Variants in AGO4 observed in about 807,000 individuals in gnomAD.
The protein encoded by AGO4 is argonaute RISC component 4, also known as protein argonaute-4.
A neutral mutation model predicts 104.7 loss-of-function variants in AGO4; 33 were observed. That is an observed-to-expected ratio of 0.32 (90% CI 0.24 to 0.42). The LOEUF is 0.42. Ranked by LOEUF, AGO4 falls within the 10% of genes least tolerant of loss-of-function variation. The pLI, the probability that AGO4 is intolerant of heterozygous loss-of-function variation, is 1.00. For missense variants in AGO4, 711 were observed against 1,083.4 expected (o/e 0.66, Z 4.83); for synonymous variants, 331 against 364.7 (o/e 0.91, Z 1.05).
At position 35,832,606 on chromosome 1, in the gene AGO4, C is replaced by T. The variant is rs569225777; in HGVS notation, c.1379+36C>T. 4 of 1,604,732 alleles carry T rather than the reference C, an allele frequency of 2.5e-6. No individual in the cohort carries two copies. The South Asian group carries it at 4.4e-5, about 18-fold the overall frequency. On this transcript the variant is annotated intron_variant, in intron 11 of 17. Transcript: ENST00000373210. Reference sequence around the variant, plus strand: ...TCATATTTTCAGCTTAGTAATATCCCTTCCAGATATGAAAATACTGTCTTT... The same window carrying T: ...TCATATTTTCAGCTTAGTAATATCCTTTCCAGATATGAAAATACTGTCTTT...
At chr1:35,825,258 T>C in intron 3 of AGO4, 55 bp from the exon 4 acceptor site, 1 of 1,571,310 alleles carries the variant, frequency 6.4e-7, no homozygotes, top group Non-Finnish European at 8.7e-7. Flanking sequence ...TCTTGGGATC[T>C]TTCCCACAGC....
chr1:35,826,086 T>C lies in AGO4; in HGVS notation c.760+26T>C, dbSNP rs189308037. 971 of 1,612,118 alleles carry C rather than the reference T, an allele frequency of 6.0e-4. 3 individuals are homozygous for C. The Middle Eastern group carries it at 0.019, about 32-fold the overall frequency. On this transcript the variant is annotated intron_variant, in intron 6 of 17. Transcript: ENST00000373210. ...GTAAGTGTTTGCATTAATGTAGTCT[T>C]GGAGAAGCAGCTCAGCATGCTGCAC... is the stretch of plus-strand genomic sequence containing the variant.
At chr1:35,828,471 G>A (rs1644089809) in intron 7 of AGO4, among the ~76,000 whole-genome samples, 1 of 152,004 alleles carries the variant, frequency 6.6e-6, no homozygotes, top group Non-Finnish European at 1.5e-5. Context: ...GCATCCTCCA[G>A]CAGCATACTC....
chr1:35,852,433 C>T (rs12744152), intron 17 of AGO4, among the ~76,000 whole-genome samples: 1 of 152,074 alleles, frequency 6.6e-6, no homozygotes, highest in African/African-American at 2.4e-5. Context: ...GTTGTTACTC[C>T]GAAAGACCAA....
intron 15 of AGO4, among the ~76,000 whole-genome samples, chr1:35,843,216 C>T (rs1230112812): frequency 6.6e-6 from 1 of 152,244 alleles, no homozygotes; most frequent in African/African-American, 2.4e-5. Flanking sequence ...TAGGCGCCCA[C>T]CACCATGCCC....
chr1:35,830,239 T>G (rs1644148438), intron 7 of AGO4, among the ~76,000 whole-genome samples: 1 of 152,136 alleles, frequency 6.6e-6, no homozygotes, highest in African/African-American at 2.4e-5. Flanking sequence ...GTATCTTAAT[T>G]ATGCCAAATA....
At chr1:35,850,814 G>GAAAAAAAAAAAAAAAATT in intron 16 of AGO4, 40 bp from the exon 17 acceptor site, 1 of 1,097,752 alleles carries the variant, frequency 9.1e-7, no homozygotes, top group Non-Finnish European at 1.2e-6. Context: ...AACAAAAAAC[G>GAAAAAAAAAAAAAAAATT]AACAAAAAAA....
At chr1:35,840,158 A>AT (rs1338018347) in intron 13 of AGO4, among the ~76,000 whole-genome samples, 50 of 124,990 alleles carry the variant, frequency 4.0e-4, no homozygotes, top group South Asian at 5.1e-4. Context: ...TGCCCGTCTA[A>AT]TTTTTTTTTT....
rs1643373554 is a variant in AGO4, at chr1:35,808,468, G to A, written c.19+33G>A. On this transcript the variant is annotated intron_variant, in intron 1 of 17. Transcript: ENST00000373210. The surrounding 1 kb of genome is among the most constrained non-coding windows in gnomAD (Gnocchi z 5.2). ...GCGAGCTCGGGTCGGGGCGGGACCCGGGACCCGGGACCCGGGGCGGGCGGC... is the reference window on the plus strand; with the variant it reads ...GCGAGCTCGGGTCGGGGCGGGACCCAGGACCCGGGACCCGGGGCGGGCGGC... 1 of 1,176,526 alleles carries A rather than the reference G, an allele frequency of 8.5e-7. No individual in the cohort carries two copies. Among genetic ancestry groups the A allele is most frequent in the Non-Finnish European group, 1.1e-6 (1 of 952,072 alleles). 72.9% of individuals were successfully genotyped at this position (1,176,526 alleles called of 1,614,324 possible).
intron 17 of AGO4, among the ~76,000 whole-genome samples, chr1:35,852,087 A>G (rs1333318683): frequency 6.6e-6 from 1 of 152,234 alleles, no homozygotes; most frequent in Non-Finnish European, 1.5e-5. Context: ...CACAAAGGGG[A>G]AAAAGCAAGT....
rs1168210290 is a variant in AGO4, at chr1:35,856,587, T to G, written c.*2982T>G. 6.6e-6 allele frequency: 1 copy of G among 152,208 alleles called. No individual in the cohort carries two copies. Among genetic ancestry groups the G allele is most frequent in the African/African-American group, 2.4e-5 (1 of 41,412 alleles). 9.4% of individuals were successfully genotyped at this position (152,208 alleles called of 1,614,324 possible). A position where few individuals can be genotyped will look rare whatever the true frequency, so the allele number is the denominator to read the frequency against. On this transcript the variant is annotated 3_prime_UTR_variant, in exon 18 of 18. Transcript: ENST00000373210. ...GGCTCACGCCTGTAATTCCAGCACT[T>G]TGGGAGGCCTAGGTGGGCGGATCAG...
At chr1:35,818,283 T>C (rs1271054154) in intron 2 of AGO4, among the ~76,000 whole-genome samples, 1 of 152,040 alleles carries the variant, frequency 6.6e-6, no homozygotes, top group Non-Finnish European at 1.5e-5. Context: ...AGGTGAGGGA[T>C]ATCTGCATGA....
At chr1:35,827,912 G>A (rs1056290986) in intron 7 of AGO4, among the ~76,000 whole-genome samples, 38 of 146,430 alleles carry the variant, frequency 2.6e-4, no homozygotes, top group African/African-American at 9.1e-4. Flanking sequence ...CACCACACTC[G>A]CCTAATTTTT....
chr1:35,843,247 G>A (rs1644492117), intron 15 of AGO4, among the ~76,000 whole-genome samples: 1 of 152,028 alleles, frequency 6.6e-6, no homozygotes, highest in Non-Finnish European at 1.5e-5. Context: ...TGTATATTTA[G>A]TTGAGACGGG....
chr1:35,825,682 C>T lies in AGO4; in HGVS notation c.492C>T (p.Tyr164=). 1 of 1,546,352 alleles carries T rather than the reference C, an allele frequency of 6.5e-7. No homozygotes were observed. The highest frequency in any genetic ancestry group is 1.3e-5 in the South Asian group (1 of 78,852). The change falls in exon 5 of 18, where the codon TAC becomes TAT. Residue 164 remains tyrosine (Y), a synonymous_variant. Coordinates refer to ENST00000373210, the MANE Select transcript of AGO4 (RefSeq NM_017629.4). ...VITRHLPSMR[Y]TPVGRSFFSP... ...ATGCAAACTCTTATTTCTTCAGGTA[C>T]ACCCCAGTGGGCCGTTCCTTTTTCT...
At chr1:35,843,169 G>A (rs1167460440) in intron 15 of AGO4, among the ~76,000 whole-genome samples, 1 of 152,072 alleles carries the variant, frequency 6.6e-6, no homozygotes, top group Non-Finnish European at 1.5e-5. Context: ...AGGTTCAAGC[G>A]ATTCTCCTGC....
At chr1:35,839,213 C>A (rs1273287214) in intron 13 of AGO4, among the ~76,000 whole-genome samples, 1 of 152,062 alleles carries the variant, frequency 6.6e-6, no homozygotes, top group Non-Finnish European at 1.5e-5. Flanking sequence ...AACTCCTGAG[C>A]TCAAGCAATC....
At chr1:35,842,890 T>A (rs140394577) in intron 15 of AGO4, among the ~76,000 whole-genome samples, 15 of 152,242 alleles carry the variant, frequency 9.9e-5, no homozygotes, top group Middle Eastern at 6.8e-3. Flanking sequence ...TAATAGATAA[T>A]CTTGCTTCTT....
Position 35,856,987 on chromosome 1 carries a change from C to T in AGO4, c.*3382C>T, listed in dbSNP as rs974866418. 2.6e-5 allele frequency: 4 copies of T among 152,194 alleles called. No individual in the cohort carries two copies. The highest frequency in any genetic ancestry group is 2.9e-5 in the Non-Finnish European group (2 of 68,048). 9.4% of individuals were successfully genotyped at this position (152,194 alleles called of 1,614,324 possible). A position where few individuals can be genotyped will look rare whatever the true frequency, so the allele number is the denominator to read the frequency against. On this transcript the variant is annotated 3_prime_UTR_variant, in exon 18 of 18. Coordinates refer to ENST00000373210, the MANE Select transcript of AGO4 (RefSeq NM_017629.4). ...TTCTGGGCAGCAGAACATATTCATT[C>T]TTACTGTAAATTCTATTTGCTGCTT... is the stretch of plus-strand genomic sequence containing the variant.
Sources: gnomAD v4.1 joint callset for allele counts (sites outside exome capture counted in the v4.1 genomes callset) on GRCh38, gnomAD v4.1.1 for gene constraint, Gnocchi (gnomAD v3.1) non-coding constraint, MANE v1.5 for transcripts, NCBI Gene and HGNC (gene_info 2026-07-23, HGNC 2026-07-21) for gene names.